FTSJ3: variants seen among roughly 807,000 people sequenced by gnomAD.
The protein encoded by FTSJ3 is pre-rRNA 2'-O-ribose RNA methyltransferase FTSJ3.
Under a neutral mutation model 111.5 loss-of-function variants are expected in FTSJ3, and 46 were observed. That is an observed-to-expected ratio of 0.41 (90% CI 0.33 to 0.53). The LOEUF (loss-of-function observed/expected upper bound fraction) is 0.53, where lower values mean the gene tolerates loss of function less well. Among genes scored for constraint, FTSJ3 ranks in the 20% least tolerant of loss-of-function variants. The pLI is 0.19. For synonymous variants in FTSJ3, 408 were observed against 383.0 expected (o/e 1.07, Z -0.76); for missense variants, 1,075 against 1,063.8 (o/e 1.01, Z -0.15).
chr17:63,823,603 A>T (rs2040070003), intron 13 of FTSJ3: 3 of 546,322 alleles, frequency 5.5e-6, no homozygotes, highest in African/African-American at 1.9e-5. Flanking sequence ...TCAAAAAAAA[A>T]AAAAATAAAT....
Position 63,827,051 on chromosome 17 carries a change from C to T in FTSJ3, c.-27+1G>A, listed in dbSNP as rs1470683520. 4.0e-6 allele frequency: 3 copies of T among 745,720 alleles called. No homozygotes were observed. Among genetic ancestry groups the T allele is most frequent in the Non-Finnish European group, 6.9e-6 (3 of 433,850 alleles). 46.2% of individuals were successfully genotyped at this position (745,720 alleles called of 1,614,324 possible). A position where few individuals can be genotyped will look rare whatever the true frequency, so the allele number is the denominator to read the frequency against. On this transcript the variant is annotated splice_donor_variant, in intron 1 of 20. Coordinates refer to ENST00000427159, the MANE Select transcript of FTSJ3 (RefSeq NM_017647.4). LOFTEE classifies it low-confidence loss of function (5UTR_SPLICE). ...ACCCCGCGCCCCTCTCCGCACACTA[C>T]CTAGACCCAGAGCCGCTTTCTCCAC...
At position 63,827,346 on chromosome 17, in the gene FTSJ3, A is replaced by G. The variant is rs2040119013; in HGVS notation, c.-321T>C. Reference sequence around the variant, plus strand: ...AACTCGAGTAGCCGCCCCTCCCATCATGGTTCCCTTAGTGTGGTCTCGCCG... The same window carrying G: ...AACTCGAGTAGCCGCCCCTCCCATCGTGGTTCCCTTAGTGTGGTCTCGCCG... On this transcript the variant is annotated 5_prime_UTR_variant, in exon 1 of 21. The change abolishes an upstream ATG in the 5' untranslated region. Coordinates refer to ENST00000427159, the MANE Select transcript of FTSJ3 (RefSeq NM_017647.4). 6 of 1,104,342 alleles carry G rather than the reference A, an allele frequency of 5.4e-6. No individual in the cohort carries two copies. The Admixed American group carries it at 1.1e-4, about 20-fold the overall frequency. 68.4% of individuals were successfully genotyped at this position (1,104,342 alleles called of 1,614,324 possible). A position where few individuals can be genotyped will look rare whatever the true frequency, so the allele number is the denominator to read the frequency against.
chr17:63,825,649 A>G lies in FTSJ3; in HGVS notation c.301-14T>C. ...CTTCCTCAGGGCCTAAAGAGAAGAA[A>G]AGGAACTATGGAAACAGAAACACTG... On this transcript the variant is annotated splice_polypyrimidine_tract_variant and intron_variant, in intron 5 of 20. Coordinates refer to ENST00000427159, the MANE Select transcript of FTSJ3 (RefSeq NM_017647.4). 6.2e-7 allele frequency: 1 copy of G among 1,607,402 alleles called. No individual in the cohort carries two copies. The highest frequency in any genetic ancestry group is 8.5e-7 in the Non-Finnish European group (1 of 1,174,406).
chr17:63,824,158 C>G lies in FTSJ3; in HGVS notation c.1080G>C (p.Glu360Asp). The change falls in exon 12 of 21, where the codon GAG (glutamate) becomes GAC (aspartate). Residue 360 changes from glutamate (E) to aspartate (D), a missense_variant. Physicochemically the swap from Glu to Asp is conservative, Grantham distance 45. Around this residue, in one of 2 missense-constraint regions of FTSJ3, gnomAD observed 867 missense variants for 796.9 expected, o/e 1.09. Transcript: ENST00000427159. ...GTTKQPSKEE[E>D]EEEEEEQLNQ... The stretch of plus-strand genomic sequence containing the variant: ...TCAGTTGTTCCTCCTCCTCCTCTTC[C>G]TCCTCCTCCTTAGAGGGCTGCTTTG... 1.2e-6 allele frequency: 2 copies of G among 1,613,914 alleles called. No individual in the cohort carries two copies. The highest frequency in any genetic ancestry group is 1.7e-6 in the Non-Finnish European group (2 of 1,179,856).
In FTSJ3 at chr17:63,824,143, CTCCTCCTCCTCT is replaced by C. The variant is rs373166853; in HGVS notation, c.1083_1094del (p.Glu363_Glu366del). 66 of 1,613,602 alleles carry C rather than the reference CTCCTCCTCCTCT, an allele frequency of 4.1e-5. No homozygotes were observed. In the African/African-American group the frequency reaches 8.4e-4, roughly 21 times the overall value. On this transcript the variant is annotated inframe_deletion, in exon 12 of 21. Coordinates refer to ENST00000427159, the MANE Select transcript of FTSJ3 (RefSeq NM_017647.4). Reference sequence around the variant, plus strand: ...CTGCCAAGGTCTGGTTCAGTTGTTCCTCCTCCTCCTCTTCCTCCTCCTCCTTAGAGGGCTGCT... The same window carrying C: ...CTGCCAAGGTCTGGTTCAGTTGTTCCTCCTCCTCCTCCTTAGAGGGCTGCT...
At chr17:63,825,781 A>C in intron 5 of FTSJ3, 146 bp from the exon 6 acceptor site, 1 of 683,904 alleles carries the variant, frequency 1.5e-6, no homozygotes, top group Non-Finnish European at 2.5e-6. Flanking sequence ...CAAAAACAGT[A>C]TGTCTCTACC....
At position 63,827,202 on chromosome 17, in the gene FTSJ3, G is replaced by A; in HGVS notation, c.-177C>T. ...ATTGTTCTCAATACTCTGTCCTTGG[G>A]TTTTGTAAGTTGAAAGTTGAGACTA... On this transcript the variant is annotated 5_prime_UTR_variant, in exon 1 of 21. Transcript: ENST00000427159. 2 of 605,096 alleles carry A rather than the reference G, an allele frequency of 3.3e-6. No individual in the cohort carries two copies. Among genetic ancestry groups the A allele is most frequent in the Non-Finnish European group, 2.9e-6 (1 of 342,000 alleles). 37.5% of individuals were successfully genotyped at this position (605,096 alleles called of 1,614,324 possible).
Position 63,820,861 on chromosome 17 carries a change from G to A in FTSJ3, c.2050C>T (p.Leu684Phe), listed in dbSNP as rs778274921. 27 of 1,613,538 alleles carry A rather than the reference G, an allele frequency of 1.7e-5. No homozygotes were observed. The highest frequency in any genetic ancestry group is 2.3e-5 in the Non-Finnish European group (27 of 1,179,610). Reference protein sequence around the residue: ...IASSKKAKRDLIDNSFNRYTF... With the variant: ...IASSKKAKRDFIDNSFNRYTF... ...TACCGGTTGAAGGAGTTATCTATGAGGTCTCTCTTGGCCTTTTTGGAAGAG... is the reference window on the plus strand; with the variant it reads ...TACCGGTTGAAGGAGTTATCTATGAAGTCTCTCTTGGCCTTTTTGGAAGAG... Residue 684 changes from leucine (L) to phenylalanine (F), a missense_variant, in exon 18 of 21, where the codon CTC becomes TTC. By Grantham distance (22) the Leu-to-Phe change is conservative (BLOSUM62 0). This residue lies in a region of FTSJ3 where 867 missense variants were observed against 796.9 expected (regional missense o/e 1.09). Coordinates refer to ENST00000427159, the MANE Select transcript of FTSJ3 (RefSeq NM_017647.4).
rs920331681 is a variant in FTSJ3, at chr17:63,824,113, C to A, written c.1125G>T (p.Met375Ile). The change falls in exon 12 of 21, where the codon ATG (methionine) becomes ATT (isoleucine). Residue 375 changes from methionine (M) to isoleucine (I), a missense_variant. Physicochemically the swap from Met to Ile is conservative, Grantham distance 10. Transcript: ENST00000427159. ...TCAATTCCGCCACCTCCTGGGCCTT[C>A]ATTTCTGCCAAGGTCTGGTTCAGTT... Reference protein sequence around the residue: ...EEQLNQTLAEMKAQEVAELKR... With the variant: ...EEQLNQTLAEIKAQEVAELKR... 1 of 1,614,212 alleles carries A rather than the reference C, an allele frequency of 6.2e-7. No homozygotes were observed. The highest frequency in any genetic ancestry group is 1.1e-5 in the South Asian group (1 of 91,084).
At position 63,827,569 on chromosome 17, in the gene FTSJ3, C is replaced by G. The variant is rs1245209407; in HGVS notation, c.-544G>C. 3.2e-6 allele frequency: 5 copies of G among 1,550,956 alleles called. No individual in the cohort carries two copies. In the Admixed American group the frequency reaches 9.8e-5, roughly 30 times the overall value. ...GTTACGGGGCTGGGTGCGGAGCGAG[C>G]GTGATCTGAGTGGAGAGCGGGCCGG... is the stretch of plus-strand genomic sequence containing the variant. On this transcript the variant is annotated 5_prime_UTR_variant, in exon 1 of 21. Transcript: ENST00000427159.
Position 63,827,149 on chromosome 17 carries a change from T to A in FTSJ3, c.-124A>T. 1 of 606,138 alleles carries A rather than the reference T, an allele frequency of 1.6e-6. No individual in the cohort carries two copies. Among genetic ancestry groups the A allele is most frequent in the Non-Finnish European group, 2.9e-6 (1 of 342,330 alleles). The allele number at this position is 606,138 out of a possible 1,614,324, so 37.5% of individuals were successfully genotyped here. Reference sequence around the variant, plus strand: ...CGTCCCCTGCGTCCCTGGCTCGAGGTTTTCCGCCATTTTGAGTGTGGCCCT... The same window carrying A: ...CGTCCCCTGCGTCCCTGGCTCGAGGATTTCCGCCATTTTGAGTGTGGCCCT... On this transcript the variant is annotated 5_prime_UTR_variant, in exon 1 of 21. Transcript: ENST00000427159.
rs1439802345 is a variant in FTSJ3, at chr17:63,819,843, G to A, written c.2503C>T (p.Gln835Ter). ...TTTTTCTTTTGTTCCTTACGTTGCT[G>A]TGCTCTTTGGTCCTTCTTCATCCTT... ...DSRMKKDQRAQQRKEQKKKHK... is the reference protein window; with the variant it reads ...DSRMKKDQRA The change falls in exon 21 of 21, where the codon CAG becomes TAG. Residue 835 changes from glutamine (Q) to a stop codon, truncating the protein, a stop_gained. Transcript: ENST00000427159. LOFTEE classifies it high-confidence loss of function. 5 of 1,614,036 alleles carry A rather than the reference G, an allele frequency of 3.1e-6. No homozygotes were observed. The highest frequency in any genetic ancestry group is 3.3e-5 in the Admixed American group (2 of 59,992).
chr17:63,819,554 G>T lies in FTSJ3; in HGVS notation c.*248C>A. The stretch of plus-strand genomic sequence containing the variant: ...TCCAACACCGAACTTCCCTTTAACG[G>T]TTTAAAAAAAGGGTCATGAGTGTCA... On this transcript the variant is annotated 3_prime_UTR_variant, in exon 21 of 21. Transcript: ENST00000427159. The T allele has an allele frequency of 2.2e-6, 1 of 463,816 alleles. No homozygotes were observed. The highest frequency in any genetic ancestry group is 3.8e-6 in the Non-Finnish European group (1 of 261,362). 28.7% of individuals were successfully genotyped at this position (463,816 alleles called of 1,614,324 possible).
At chr17:63,821,665 T>C in intron 15 of FTSJ3, 22 bp from the exon 16 acceptor site, 1 of 1,613,724 alleles carries the variant, frequency 6.2e-7, no homozygotes, top group South Asian at 1.1e-5. Context: ...GAACATCAGC[T>C]GCCCTTCTCC....
Position 63,821,998 on chromosome 17 carries a change from T to C in FTSJ3, c.1461A>G (p.Leu487=), listed in dbSNP as rs2040056393. Residue 487 remains leucine, a synonymous_variant, in exon 14 of 21, where the codon CTA becomes CTG. Coordinates refer to ENST00000427159, the MANE Select transcript of FTSJ3 (RefSeq NM_017647.4). ...ELAGVRGHQG[L]RDQKRMRLTE... is the part of the protein sequence containing the mutation. ...GTGCCCCTTACCGCTTTTGGTCCCT[T>C]AGACCCTGATGTCCCCTGACTCCTG... 6.2e-7 allele frequency: 1 copy of C among 1,614,048 alleles called. No homozygotes were observed. The highest frequency in any genetic ancestry group is 8.5e-7 in the Non-Finnish European group (1 of 1,180,028).
rs113834233 is a variant in FTSJ3, at chr17:63,820,143, T to C, written c.2287A>G (p.Lys763Glu). Reference protein sequence around the residue: ...MLKRLEQTRKKAEAVVNTVDI... With the variant: ...MLKRLEQTRKEAEAVVNTVDI... ...ACTGTGTTCACCACGGCTTCTGCCTTCTTCCTGGTCTGCTCCAGCCTCTTC... is the reference window on the plus strand; with the variant it reads ...ACTGTGTTCACCACGGCTTCTGCCTCCTTCCTGGTCTGCTCCAGCCTCTTC... Residue 763 changes from lysine (K) to glutamate (E), a missense_variant, in exon 20 of 21, where the codon AAG becomes GAG. Physicochemically the swap from Lys to Glu is moderately conservative, Grantham distance 56. Around this residue, in one of 2 missense-constraint regions of FTSJ3, gnomAD observed 867 missense variants for 796.9 expected, o/e 1.09. Transcript: ENST00000427159. The C allele has an allele frequency of 2.5e-6, 4 of 1,614,170 alleles. No individual in the cohort carries two copies. The highest frequency in any genetic ancestry group is 3.4e-6 in the Non-Finnish European group (4 of 1,180,030).
rs1237036465 is a variant in FTSJ3, at chr17:63,821,452, C to T, written c.1788G>A (p.Glu596=). The T allele has an allele frequency of 6.2e-7, 1 of 1,614,206 alleles. No individual in the cohort carries two copies. The highest frequency in any genetic ancestry group is 1.7e-5 in the Admixed American group (1 of 60,028). Residue 596 remains glutamate (E), a synonymous_variant, in exon 16 of 21, where the codon GAG becomes GAA. Coordinates refer to ENST00000427159, the MANE Select transcript of FTSJ3 (RefSeq NM_017647.4). ...LYQDEAPKGT[E]ASSGTEAATG... ...TGGCAGCTTCTGTCCCCGAAGAAGC[C>T]TCTGTTCCCTTAGGGGCTTCATCTT...
At position 63,827,336 on chromosome 17, in the gene FTSJ3, C is replaced by A; in HGVS notation, c.-311G>T. ...AAAGCCCCTGAACTCGAGTAGCCGC[C>A]CCTCCCATCATGGTTCCCTTAGTGT... On this transcript the variant is annotated 5_prime_UTR_variant, in exon 1 of 21. Transcript: ENST00000427159. The A allele has an allele frequency of 1.0e-6, 1 of 970,852 alleles. No homozygotes were observed. Among genetic ancestry groups the A allele is most frequent in the Non-Finnish European group, 1.6e-6 (1 of 643,300 alleles). 60.1% of individuals were successfully genotyped at this position (970,852 alleles called of 1,614,324 possible).
chr17:63,825,247 C>T lies in FTSJ3; in HGVS notation c.590G>A (p.Cys197Tyr). Reference protein sequence around the residue: ...RHESAEIFVVCQGFLAPDKVD... With the variant: ...RHESAEIFVVYQGFLAPDKVD... ...AGAAAGGAAATGATGCCCACCTTGG[C>T]AGACTACAAAGATCTCTGCAGATTC... The change falls in exon 7 of 21, where the codon TGC (cysteine) becomes TAC (tyrosine). Residue 197 changes from cysteine to tyrosine, a missense_variant. Physicochemically the swap from Cys to Tyr is radical, Grantham distance 194. Around this residue, in one of 2 missense-constraint regions of FTSJ3, gnomAD observed 208 missense variants for 266.9 expected, o/e 0.78. Transcript: ENST00000427159. 6.2e-7 allele frequency: 1 copy of T among 1,614,128 alleles called. No homozygotes were observed. The highest frequency in any genetic ancestry group is 8.5e-7 in the Non-Finnish European group (1 of 1,180,004).
Sources: allele counts gnomAD v4.1 joint callset, GRCh38; gene constraint gnomAD v4.1.1; regional missense constraint gnomAD v4.1.1; transcripts MANE v1.5; gene names NCBI Gene and HGNC (gene_info 2026-07-23, HGNC 2026-07-21).